GUCY1A2: variants seen among roughly 807,000 people sequenced by gnomAD.
GUCY1A2 encodes the protein guanylate cyclase soluble subunit alpha-2.
Under a neutral mutation model 63.5 loss-of-function variants are expected in GUCY1A2, and 27 were observed. That is an observed-to-expected ratio of 0.43 (90% CI 0.31 to 0.59). The LOEUF is 0.59. Among genes scored for constraint, GUCY1A2 ranks in the 20% least tolerant of loss-of-function variants. The pLI is 0.11. For missense variants in GUCY1A2, 768 were observed against 913.3 expected, an observed-to-expected ratio of 0.84 and a Z score of 2.05; for synonymous variants, 364 against 343.5, an observed-to-expected ratio of 1.06 and a Z score of -0.66.
intron 4 of GUCY1A2, chr11:106,826,597 T>C: frequency 1.0e-5 from 16 of 1,603,838 alleles, no homozygotes; most frequent in Non-Finnish European, 1.4e-5. Context: ...TAATTCATGA[T>C]CTGAACCTAA....
At chr11:106,810,570 G>T in intron 4 of GUCY1A2, 92 bp from the exon 5 acceptor site, 1 of 1,096,132 alleles carries the variant, frequency 9.1e-7, no homozygotes, top group Non-Finnish European at 1.3e-6. Context: ...AAGAAAAAAT[G>T]TTTTATTAGC....
rs779182272 is a variant in GUCY1A2, at chr11:107,018,085, G to A, written c.-30C>T. 1.1e-5 allele frequency: 15 copies of A among 1,400,986 alleles called. No individual in the cohort carries two copies. Among genetic ancestry groups the A allele is most frequent in the East Asian group, 3.1e-5 (1 of 31,882 alleles). The allele number at this position is 1,400,986 out of a possible 1,614,324, so 86.8% of individuals were successfully genotyped here. On this transcript the variant is annotated 5_prime_UTR_variant, in exon 1 of 8. Coordinates refer to ENST00000526355, the MANE Select transcript of GUCY1A2 (RefSeq NM_000855.3). ...CCGGCGGAGCTGCAGCGGCCGAGGC[G>A]GTGGCGGCGAGGACGCGAGCGGCGG...
At chr11:106,786,805 T>C (rs997955332) in intron 5 of GUCY1A2, among the ~76,000 whole-genome samples, 1 of 152,194 alleles carries the variant, frequency 6.6e-6, no homozygotes, top group African/African-American at 2.4e-5. Flanking sequence ...TCAATGTTTT[T>C]TGCAAACTTT....
chr11:106,690,696 C>T (rs1257103828), intron 7 of GUCY1A2, among the ~76,000 whole-genome samples: 2 of 152,096 alleles, frequency 1.3e-5, no homozygotes, highest in African/African-American at 4.8e-5. Context: ...GCTTGTACCC[C>T]TGAACTTAAA....
chr11:106,750,168 A>G lies in GUCY1A2; in HGVS notation c.1836+26271T>C, dbSNP rs529389221. 1.7e-4 allele frequency among the ~76,000 whole-genome samples: 26 copies of G among 152,264 alleles called. 1 individual carries two copies. The highest frequency in any genetic ancestry group is 1.6e-3 in the Admixed American group (24 of 15,272). On this transcript the variant is annotated intron_variant, in intron 6 of 7. Transcript: ENST00000526355. ...TGCAAGTCACAGATTCCAAAAGCCA[A>G]TGAACATGGAGTCTGGTATCTATGG...
chr11:106,708,881 T>A (rs946598356), intron 6 of GUCY1A2, among the ~76,000 whole-genome samples: 4 of 151,650 alleles, frequency 2.6e-5, no homozygotes, highest in Non-Finnish European at 1.5e-5. Flanking sequence ...CACAAATAAA[T>A]AGATTAAGTA....
At chr11:106,997,617 A>ACCCCCCC (rs377457144) in intron 1 of GUCY1A2, among the ~76,000 whole-genome samples, 23 of 119,836 alleles carry the variant, frequency 1.9e-4, no homozygotes, top group Non-Finnish European at 3.1e-4. Context: ...AAGATAGGGA[A>ACCCCCCC]CCCCCCCCCC....
intron 4 of GUCY1A2, among the ~76,000 whole-genome samples, chr11:106,864,612 T>A (rs1859564272): frequency 6.6e-6 from 1 of 151,736 alleles, no homozygotes. Flanking sequence ...TAGTTGAGAG[T>A]TTTTAGCATG....
intron 4 of GUCY1A2, among the ~76,000 whole-genome samples, chr11:106,875,817 C>A (rs1311130353): frequency 2.0e-5 from 3 of 151,970 alleles, no homozygotes; most frequent in Admixed American, 2.0e-4. Flanking sequence ...TATTTTATAT[C>A]TTTTTTTATA....
At chr11:106,907,010 A>G (rs571093796) in intron 4 of GUCY1A2, among the ~76,000 whole-genome samples, 1 of 152,172 alleles carries the variant, frequency 6.6e-6, no homozygotes, top group South Asian at 2.1e-4. Context: ...GGTGCAGCAA[A>G]CCACCATGGC....
chr11:106,732,967 G>GA (rs1342621236), intron 6 of GUCY1A2, among the ~76,000 whole-genome samples: 2 of 152,094 alleles, frequency 1.3e-5, no homozygotes, highest in Non-Finnish European at 2.9e-5. Flanking sequence ...TAGTCCCTGA[G>GA]AAAAATAACA....
intron 1 of GUCY1A2, among the ~76,000 whole-genome samples, chr11:107,006,328 T>C (rs1172181324): frequency 1.3e-5 from 2 of 152,194 alleles, no homozygotes; most frequent in African/African-American, 4.8e-5. Context: ...AGTGAGAGAT[T>C]AGTGAGATAG....
intron 6 of GUCY1A2, among the ~76,000 whole-genome samples, chr11:106,744,475 G>A (rs781454767): frequency 5.3e-5 from 8 of 152,084 alleles, no homozygotes; most frequent in East Asian, 1.9e-4. Flanking sequence ...TTAAATCATC[G>A]GAATGGTTGC....
chr11:106,943,782 C>G (rs994360740), intron 3 of GUCY1A2, among the ~76,000 whole-genome samples: 1 of 152,150 alleles, frequency 6.6e-6, no homozygotes, highest in Non-Finnish European at 1.5e-5. Flanking sequence ...CTCTCATGGG[C>G]CCCTACAAAA....
intron 4 of GUCY1A2, among the ~76,000 whole-genome samples, chr11:106,916,262 A>G (rs1404107135): frequency 1.4e-5 from 2 of 145,658 alleles, no homozygotes; most frequent in Non-Finnish European, 3.1e-5. Flanking sequence ...TTAGTTGTTC[A>G]GGGAAAAATC....
intron 5 of GUCY1A2, among the ~76,000 whole-genome samples, chr11:106,796,871 T>A (rs1195394588): frequency 1.3e-5 from 2 of 152,192 alleles, no homozygotes; most frequent in Non-Finnish European, 2.9e-5. Flanking sequence ...GCAGAGTCTT[T>A]TCCAACGTGG....
At chr11:106,910,755 A>AC (rs1431624305) in intron 4 of GUCY1A2, among the ~76,000 whole-genome samples, 1 of 151,992 alleles carries the variant, frequency 6.6e-6, no homozygotes, top group Non-Finnish European at 1.5e-5. Context: ...TCCCTTACAG[A>AC]CCCCCATCAT....
At chr11:106,721,975 C>T (rs1863324533) in intron 6 of GUCY1A2, among the ~76,000 whole-genome samples, 1 of 152,116 alleles carries the variant, frequency 6.6e-6, no homozygotes, top group South Asian at 2.1e-4. Flanking sequence ...CTTTTCAGTG[C>T]CAAATCATTG....
At chr11:106,827,711 C>T in intron 4 of GUCY1A2, 1 of 1,543,400 alleles carries the variant, frequency 6.5e-7, no homozygotes, top group South Asian at 1.1e-5. Flanking sequence ...CAAATTCTTC[C>T]AATATTTTAG....
Sources: gnomAD v4.1 joint callset for allele counts (sites outside exome capture counted in the v4.1 genomes callset) on GRCh38, gnomAD v4.1.1 for gene constraint, MANE v1.5 for transcripts, NCBI Gene and HGNC (gene_info 2026-07-23, HGNC 2026-07-21) for gene names.